TARBP1: variants seen among roughly 807,000 people sequenced by gnomAD.
The protein encoded by TARBP1 is tRNA guanosine 2 -O-methyltransferase TARBP1.
Under a neutral mutation model 178.6 loss-of-function variants are expected in TARBP1, and 144 were observed. The observed-to-expected ratio is 0.81, with a 90% CI of 0.70 to 0.93. The LOEUF (loss-of-function observed/expected upper bound fraction) is 0.93. TARBP1 is among the 40% of genes least tolerant of loss of function. TARBP1 has a pLI of 0.00. For synonymous variants in TARBP1, 787 were observed against 781.0 expected (o/e 1.01, Z -0.13); for missense variants, 2,067 against 2,011.7 (o/e 1.03, Z -0.53).
chr1:234,441,707 T>C (rs1398834463), intron 12 of TARBP1, among the ~76,000 whole-genome samples: 3 of 152,190 alleles, frequency 2.0e-5, no homozygotes, highest in Non-Finnish European at 4.4e-5. Flanking sequence ...CATCGGGCCC[T>C]TAACCCCTAT....
intron 22 of TARBP1, among the ~76,000 whole-genome samples, chr1:234,412,106 T>G (rs1325427140): frequency 6.6e-6 from 1 of 152,148 alleles, no homozygotes; most frequent in Non-Finnish European, 1.5e-5. Context: ...ATCTAAATAC[T>G]TGGGGAGGTA....
chr1:234,430,524 A>G (rs1328495009), intron 14 of TARBP1, among the ~76,000 whole-genome samples: 1 of 152,192 alleles, frequency 6.6e-6, no homozygotes, highest in Non-Finnish European at 1.5e-5. Context: ...AGAACTCAGC[A>G]ATTTAGATTA....
Position 234,429,195 on chromosome 1 carries a change from T to C in TARBP1, c.3001A>G (p.Asn1001Asp). ...LKAFVQFVFD[N>D]KVLTIAAKIK... is the part of the protein sequence containing the mutation. ...TTGGCAGCAATGGTAAGAACTTTGT[T>C]ATCAAAAACAAACTGAACAAAAGCT... is the stretch of plus-strand genomic sequence containing the variant. Residue 1001 changes from asparagine (N) to aspartate (D), a missense_variant, in exon 17 of 30, where the codon AAC becomes GAC. By Grantham distance (23) the Asn-to-Asp change is conservative. Coordinates refer to ENST00000040877, the MANE Select transcript of TARBP1 (RefSeq NM_005646.4). The C allele has an allele frequency of 6.2e-7, 1 of 1,605,404 alleles. No individual in the cohort carries two copies. The highest frequency in any genetic ancestry group is 8.5e-7 in the Non-Finnish European group (1 of 1,177,930).
chr1:234,474,555 C>T (rs1371640836), intron 1 of TARBP1, among the ~76,000 whole-genome samples: 1 of 152,058 alleles, frequency 6.6e-6, no homozygotes, highest in East Asian at 1.9e-4. Context: ...ATGCTAGAGC[C>T]ACTGATCCTA....
chr1:234,471,682 T>G (rs916747081), intron 2 of TARBP1, among the ~76,000 whole-genome samples: 1 of 152,228 alleles, frequency 6.6e-6, no homozygotes, highest in Non-Finnish European at 1.5e-5. Context: ...ATAGCCAAAG[T>G]TGCTGACACG....
chr1:234,401,138 T>A, intron 25 of TARBP1, 43 bp downstream of exon 25: 1 of 1,518,434 alleles, frequency 6.6e-7, no homozygotes, highest in Non-Finnish European at 9.1e-7. Context: ...GCATCAGGAT[T>A]AAAGATACAA....
rs555760798 is a variant in TARBP1 at position 234,419,923 on chromosome 1, G to A, written c.3555+779C>T. ...CACAGATATAAGACTTCATAAGATT[G>A]TAAAGAAAGAGGCTAGTATATATAT... On this transcript the variant is annotated intron_variant, in intron 21 of 29. Coordinates refer to ENST00000040877, the MANE Select transcript of TARBP1 (RefSeq NM_005646.4). Among the ~76,000 whole-genome samples, 185 of 152,174 alleles carry A rather than the reference G, an allele frequency of 1.2e-3. 1 individual carries two copies. The highest frequency in any genetic ancestry group is 2.1e-3 in the South Asian group (10 of 4,822).
chr1:234,428,220 C>G (rs995075913), intron 17 of TARBP1, among the ~76,000 whole-genome samples: 1 of 152,192 alleles, frequency 6.6e-6, no homozygotes, highest in Non-Finnish European at 1.5e-5. Flanking sequence ...CCCTGGGGAT[C>G]AGGAGGTACA....
Position 234,419,855 on chromosome 1 carries a change from A to C in TARBP1, c.3555+847T>G, listed in dbSNP as rs12035016. ...CTCTTAAATTATTCCAAATTGTTTT[A>C]TTTGAATATACTTATATACTTACAC... On this transcript the variant is annotated intron_variant, in intron 21 of 29. Coordinates refer to ENST00000040877, the MANE Select transcript of TARBP1 (RefSeq NM_005646.4). Among the ~76,000 whole-genome samples, 27 of 151,834 alleles carry C rather than the reference A, an allele frequency of 1.8e-4. No homozygotes were observed. The East Asian group carries it at 5.2e-3, about 29-fold the overall frequency.
chr1:234,405,394 G>A (rs1008010165), intron 24 of TARBP1: 4 of 152,518 alleles, frequency 2.6e-5, no homozygotes, highest in African/African-American at 9.7e-5. Context: ...AACCACCGTG[G>A]GGGCTTCACA....
At chr1:234,470,561 T>TA (rs35730335) in intron 3 of TARBP1, among the ~76,000 whole-genome samples, 59,449 of 151,658 alleles carry the variant, frequency 0.39, 12,090 homozygotes, top group Middle Eastern at 0.46. Context: ...ATCAACGGTT[T>TA]AAAAAATTAA....
At chr1:234,422,535 A>C (rs1195780473) in intron 20 of TARBP1, among the ~76,000 whole-genome samples, 2 of 152,168 alleles carry the variant, frequency 1.3e-5, no homozygotes, top group African/African-American at 4.8e-5. Flanking sequence ...TAAAAAATAA[A>C]ACAATTGAAC....
intron 23 of TARBP1, among the ~76,000 whole-genome samples, chr1:234,408,329 T>A (rs1333411710): frequency 6.6e-6 from 1 of 152,200 alleles, no homozygotes; most frequent in African/African-American, 2.4e-5. Flanking sequence ...ACCTCCAAGC[T>A]GTCCTTGTTC....
chr1:234,442,018 C>T (rs981365638), intron 12 of TARBP1, among the ~76,000 whole-genome samples: 3 of 152,248 alleles, frequency 2.0e-5, no homozygotes, highest in African/African-American at 7.2e-5. Flanking sequence ...AAAGGATACT[C>T]AGTCTCTCCA....
At chr1:234,459,707 G>A (rs542804449) in intron 7 of TARBP1, among the ~76,000 whole-genome samples, 20 of 151,806 alleles carry the variant, frequency 1.3e-4, no homozygotes, top group African/African-American at 4.4e-4. Flanking sequence ...AGCTACTTAG[G>A]AGGCTAAGAC....
intron 10 of TARBP1, among the ~76,000 whole-genome samples, chr1:234,449,146 A>G (rs998294030): frequency 2.6e-5 from 4 of 152,206 alleles, no homozygotes; most frequent in Non-Finnish European, 5.9e-5. Context: ...TGTGTGCACT[A>G]AGTGACAGGG....
intron 22 of TARBP1, among the ~76,000 whole-genome samples, chr1:234,416,879 G>C (rs914228719): frequency 1.4e-4 from 22 of 152,176 alleles, no homozygotes; most frequent in Admixed American, 1.2e-3. Context: ...GGGACCGGCC[G>C]AGATGGGCTT....
chr1:234,429,047 A>C, intron 17 of TARBP1, 89 bp downstream of exon 17: 4 of 1,240,072 alleles, frequency 3.2e-6, no homozygotes, highest in Non-Finnish European at 4.3e-6. Context: ...AGAGCCAAAA[A>C]TCTAATTGTG....
chr1:234,411,778 A>G (rs1464492890), intron 22 of TARBP1, among the ~76,000 whole-genome samples: 1 of 152,174 alleles, frequency 6.6e-6, no homozygotes, highest in East Asian at 1.9e-4. Context: ...TGAAACTATT[A>G]TTATTTCATA....
Sources: gnomAD v4.1 joint callset for allele counts (sites outside exome capture counted in the v4.1 genomes callset) on GRCh38, gnomAD v4.1.1 for gene constraint, MANE v1.5 for transcripts, NCBI Gene and HGNC (gene_info 2026-07-23, HGNC 2026-07-21) for gene names.